The following VPS13C variants were observed in gnomAD, a reference collection of about 807,000 sequenced individuals.
VPS13C encodes intermembrane lipid transfer protein VPS13C.
VPS13C carries 358 observed loss-of-function variants against 456.8 expected under a neutral mutation model. The observed-to-expected ratio is 0.78, with a 90% CI of 0.72 to 0.86. The LOEUF (loss-of-function observed/expected upper bound fraction) is 0.86, where lower values mean the gene tolerates loss of function less well. Ranked by LOEUF, VPS13C falls within the 40% of genes least tolerant of loss-of-function variation. The pLI is 0.00. For synonymous variants in VPS13C, 1,578 were observed against 1,486.7 expected, an observed-to-expected ratio of 1.06 and a Z score of -1.41; for missense variants, 4,818 against 4,385.4, an observed-to-expected ratio of 1.10 and a Z score of -2.79.
rs151310625 is a variant in VPS13C, at chr15:61,886,373, A to G, written c.9342-2104T>C. The stretch of plus-strand genomic sequence containing the variant: ...ATTACTTCAGCAGAGCTGTAGTTCC[A>G]TAACATAATAAAATGATGCTTTTTT... On this transcript the variant is annotated intron_variant, in intron 67 of 84. Coordinates refer to ENST00000644861, the MANE Select transcript of VPS13C (RefSeq NM_020821.3). Among the ~76,000 whole-genome samples the G allele has an allele frequency of 8.0e-4, 122 of 152,270 alleles. No homozygotes were observed. The East Asian group carries it at 0.019, about 24-fold the overall frequency.
At chr15:61,940,108 T>C (rs1442496431) in intron 47 of VPS13C, among the ~76,000 whole-genome samples, 2 of 152,200 alleles carry the variant, frequency 1.3e-5, no homozygotes, top group African/African-American at 4.8e-5. Flanking sequence ...AAAATAATGG[T>C]GTATTTATAT....
intron 53 of VPS13C, among the ~76,000 whole-genome samples, chr15:61,924,031 A>G (rs1012136824): frequency 1.3e-5 from 2 of 150,220 alleles, no homozygotes; most frequent in Non-Finnish European, 3.0e-5. Flanking sequence ...ACGCCCGGCT[A>G]ATTTTTTGTA....
At chr15:62,015,842 G>A (rs1292930715) in intron 9 of VPS13C, among the ~76,000 whole-genome samples, 83 of 136,600 alleles carry the variant, frequency 6.1e-4, no homozygotes, top group Middle Eastern at 3.7e-3. Context: ...TAGATGACAC[G>A]TTAGTGGGTG....
At chr15:61,898,460 C>G (rs1210757613) in intron 66 of VPS13C, among the ~76,000 whole-genome samples, 1 of 151,336 alleles carries the variant, frequency 6.6e-6, no homozygotes, top group African/African-American at 2.4e-5. Flanking sequence ...ATCCTAGTCT[C>G]TGATAAAACA....
intron 55 of VPS13C, among the ~76,000 whole-genome samples, chr15:61,921,453 T>C (rs886882556): frequency 1.3e-5 from 2 of 152,096 alleles, no homozygotes; most frequent in East Asian, 1.9e-4. Context: ...TTAACAATTC[T>C]CAAATATTCT....
At chr15:61,911,297 T>C (rs2043294644) in intron 63 of VPS13C, among the ~76,000 whole-genome samples, 1 of 152,204 alleles carries the variant, frequency 6.6e-6, no homozygotes, top group Admixed American at 6.5e-5. Context: ...ACTTTTATCT[T>C]TTGATCTATA....
intron 80 of VPS13C, 119 bp from the exon 81 acceptor site, chr15:61,868,892 C>T (rs1311005686): frequency 1.2e-6 from 1 of 828,738 alleles, no homozygotes; most frequent in East Asian, 2.8e-5. Context: ...AAATAGCTTT[C>T]CCCAAATAAT....
intron 9 of VPS13C, among the ~76,000 whole-genome samples, chr15:62,014,263 A>C (rs1156928833): frequency 1.3e-5 from 2 of 152,114 alleles, no homozygotes; most frequent in Admixed American, 1.3e-4. Context: ...ATCAGGTATG[A>C]ATGAAAACAG....
At chr15:62,054,247 C>T (rs2048716941) in intron 1 of VPS13C, among the ~76,000 whole-genome samples, 1 of 152,154 alleles carries the variant, frequency 6.6e-6, no homozygotes, top group African/African-American at 2.4e-5. Flanking sequence ...TCTAGATAAA[C>T]CTTCCTACTT....
Position 61,961,871 on chromosome 15 carries a change from G to A in VPS13C, c.3626C>T (p.Thr1209Ile). The A allele has an allele frequency of 6.2e-7, 1 of 1,611,516 alleles. No individual in the cohort carries two copies. The highest frequency in any genetic ancestry group is 8.5e-7 in the Non-Finnish European group (1 of 1,178,926). The change falls in exon 35 of 85, where the codon ACA (threonine) becomes ATA (isoleucine). Residue 1209 changes from threonine to isoleucine, a missense_variant. Physicochemically the swap from Thr to Ile is moderately conservative, Grantham distance 89. Around this residue, in one of 3 missense-constraint regions of VPS13C, gnomAD observed 4,552 missense variants for 4,130.6 expected, o/e 1.10. Coordinates refer to ENST00000644861, the MANE Select transcript of VPS13C (RefSeq NM_020821.3). ...GGCAGCACTCAGAGACTCTTTGGCT[G>A]TCTGGAAATTATTCAGGAAGTTCTG... ...SLLNFLNNFQ[T>I]AKESLSAATA... is the part of the protein sequence containing the mutation.
chr15:62,024,983 G>A (rs2140593854), intron 6 of VPS13C, among the ~76,000 whole-genome samples: 1 of 152,166 alleles, frequency 6.6e-6, no homozygotes, highest in East Asian at 1.9e-4. Context: ...ACTCCAAGTA[G>A]CCCCAGGGCC....
chr15:61,932,374 T>A lies in VPS13C; in HGVS notation c.5869-1115A>T, dbSNP rs150213751. The stretch of plus-strand genomic sequence containing the variant: ...GGGCTTGGATACTCCGATTAAAGAA[T>A]GGTAGGGAAAAAACTAGAAAGAAAT... On this transcript the variant is annotated intron_variant, in intron 49 of 84. Coordinates refer to ENST00000644861, the MANE Select transcript of VPS13C (RefSeq NM_020821.3). Among the ~76,000 whole-genome samples the A allele has an allele frequency of 7.5e-3, 1,134 of 152,182 alleles. 6 individuals carry two copies. The highest frequency in any genetic ancestry group is 0.013 in the Non-Finnish European group (863 of 68,002).
At chr15:61,868,317 G>A (rs1894739202) in intron 81 of VPS13C, among the ~76,000 whole-genome samples, 1 of 151,900 alleles carries the variant, frequency 6.6e-6, no homozygotes, top group South Asian at 2.1e-4. Context: ...TTGGTTGGGA[G>A]AAATGGAAGC....
Position 61,874,879 on chromosome 15 carries a change from C to G in VPS13C, c.10411G>C (p.Val3471Leu). The change falls in exon 77 of 85, where the codon GTA becomes CTA. Residue 3471 changes from valine (V) to leucine (L), a missense_variant. By Grantham distance (32) the Val-to-Leu change is conservative. Around this residue, in one of 3 missense-constraint regions of VPS13C, gnomAD observed 4,552 missense variants for 4,130.6 expected, o/e 1.10. Transcript: ENST00000644861. ...IGVRSLFGHT[V>L]GGAAGVVSRI... ...TACACAAATATGTGATACATACCTACTGTGTGTCCAAAGAGGCTTCTCACT... is the reference window on the plus strand; with the variant it reads ...TACACAAATATGTGATACATACCTAGTGTGTGTCCAAAGAGGCTTCTCACT... The G allele has an allele frequency of 6.3e-7, 1 of 1,592,560 alleles. No individual in the cohort carries two copies. Among genetic ancestry groups the G allele is most frequent in the Non-Finnish European group, 8.5e-7 (1 of 1,170,658 alleles).
intron 9 of VPS13C, among the ~76,000 whole-genome samples, chr15:62,018,608 G>A (rs1304598054): frequency 1.3e-5 from 2 of 151,780 alleles, no homozygotes; most frequent in African/African-American, 2.4e-5. Flanking sequence ...TGCGTATGTT[G>A]AACCAGCCTT....
In VPS13C at chr15:61,882,577, T is replaced by C. The variant is rs763933443; in HGVS notation, c.9624+19A>G. 6.0e-6 allele frequency: 9 copies of C among 1,498,784 alleles called. No individual in the cohort carries two copies. The highest frequency in any genetic ancestry group is 2.4e-5 in the Admixed American group (1 of 42,174). The allele number at this position is 1,498,784 out of a possible 1,614,324, so 92.8% of individuals were successfully genotyped here. A position where few individuals can be genotyped will look rare whatever the true frequency, so the allele number is the denominator to read the frequency against. On this transcript the variant is annotated intron_variant, in intron 69 of 84. Transcript: ENST00000644861. Reference sequence around the variant, plus strand: ...TCCCAAAGTGATGATAAATACTTATTTGAGAATGACAATGTTACCTGAAGC... The same window carrying C: ...TCCCAAAGTGATGATAAATACTTATCTGAGAATGACAATGTTACCTGAAGC...
intron 8 of VPS13C, 117 bp downstream of exon 8, chr15:62,023,294 T>A: frequency 1.7e-6 from 1 of 583,250 alleles, no homozygotes; most frequent in South Asian, 3.3e-5. Context: ...AGTGTACTCA[T>A]AAGAAAAAAA....
intron 24 of VPS13C, among the ~76,000 whole-genome samples, 185 bp from the exon 25 acceptor site, chr15:61,974,602 G>C (rs1180530307): frequency 6.6e-6 from 1 of 152,096 alleles, no homozygotes. Flanking sequence ...TAAGTTTTCA[G>C]ATAATTTCAA....
chr15:61,939,198 A>G (rs1021602072), intron 47 of VPS13C, among the ~76,000 whole-genome samples: 3 of 152,200 alleles, frequency 2.0e-5, no homozygotes, highest in African/African-American at 7.2e-5. Flanking sequence ...GGATTGTCAG[A>G]TATTAGTCCT....
Sources: allele counts gnomAD v4.1 joint callset (sites outside exome capture counted in the v4.1 genomes callset), GRCh38; gene constraint gnomAD v4.1.1; regional missense constraint gnomAD v4.1.1; transcripts MANE v1.5; gene names NCBI Gene and HGNC (gene_info 2026-07-23, HGNC 2026-07-21).